KMT2C: variants seen among roughly 807,000 people sequenced by gnomAD.
KMT2C encodes the protein lysine methyltransferase 2C, also known as histone-lysine N-methyltransferase 2C.
In KMT2C, 88 loss-of-function variants were observed where a neutral mutation model predicts 507.9. The ratio of observed to expected loss-of-function variants is 0.17; its 90% CI spans 0.15 to 0.21. The LOEUF (loss-of-function observed/expected upper bound fraction) is 0.21, where lower values mean the gene tolerates loss of function less well. Among genes scored for constraint, KMT2C ranks in the 10% least tolerant of loss-of-function variants. The probability of loss-of-function intolerance (pLI) is 1.00; values close to 1 mark genes in which losing one functional copy is unlikely to be tolerated. For synonymous variants in KMT2C, 2,049 were observed against 2,080.8 expected (o/e 0.98, Z 0.42); for missense variants, 4,954 against 5,957.8 (o/e 0.83, Z 5.55).
chr7:152,257,064 T>C (rs1035865520), intron 9 of KMT2C, among the ~76,000 whole-genome samples: 6 of 152,018 alleles, frequency 3.9e-5, no homozygotes, highest in Admixed American at 3.9e-4. Context: ...AGCTAGGGAG[T>C]GTAAAATCAT....
In KMT2C at chr7:152,235,888, C is replaced by G. The variant is rs1366232611; in HGVS notation, c.2698G>C (p.Gly900Arg). The G allele has an allele frequency of 1.9e-6, 3 of 1,611,820 alleles. No individual in the cohort carries two copies. The East Asian group carries it at 6.7e-5, about 36-fold the overall frequency. Reference sequence around the variant, plus strand: ...CCTCGGCCACCTCGCCCCGACAGTCCTGCACCTCGAGGTCTCCGCTTTCCT... The same window carrying G: ...CCTCGGCCACCTCGCCCCGACAGTCGTGCACCTCGAGGTCTCCGCTTTCCT... ...FPGKRRPRGA[G>R]LSGRGGRGRS... is the part of the protein sequence containing the mutation. The change falls in exon 16 of 59, where the codon GGA becomes CGA. Residue 900 changes from glycine (G) to arginine (R), a missense_variant. Physicochemically the swap from Gly to Arg is moderately radical, Grantham distance 125 (BLOSUM62 -2). Transcript: ENST00000262189.
At chr7:152,421,578 G>A (rs13223888) in intron 1 of KMT2C, among the ~76,000 whole-genome samples, 1 of 152,114 alleles carries the variant, frequency 6.6e-6, no homozygotes, top group Admixed American at 6.6e-5. Flanking sequence ...AGAATGAAAT[G>A]ATCCTTTGCA....
At chr7:152,137,013 C>A in intron 58 of KMT2C, 89 bp from the exon 59 acceptor site, 2 of 963,282 alleles carry the variant, frequency 2.1e-6, no homozygotes, top group Non-Finnish European at 3.3e-6. Context: ...TTAAAACCAG[C>A]AAACGAAACA....
At position 152,176,710 on chromosome 7, in the gene KMT2C, T is replaced by C. The variant is rs768119139; in HGVS notation, c.8743A>G (p.Thr2915Ala). 6.2e-7 allele frequency: 1 copy of C among 1,614,084 alleles called. No individual in the cohort carries two copies. The highest frequency in any genetic ancestry group is 8.5e-7 in the Non-Finnish European group (1 of 1,179,998). The stretch of plus-strand genomic sequence containing the variant: ...GCAAGTAAACTTGAGAGAACTGGAG[T>C]TGATCCAGTTATGCCACAAGAGTTT... ...VINSCGITGS[T>A]PVLSSLLANE... The change falls in exon 38 of 59, where the codon ACT (threonine) becomes GCT (alanine). Residue 2915 changes from threonine (T) to alanine (A), a missense_variant. Around this residue, in one of 29 missense-constraint regions of KMT2C, gnomAD observed 1,689 missense variants for 1,654.3 expected, o/e 1.02. Transcript: ENST00000262189.
At position 152,194,111 on chromosome 7, in the gene KMT2C, C is replaced by T; in HGVS notation, c.4558G>A (p.Val1520Ile). 6.3e-7 allele frequency: 1 copy of T among 1,576,528 alleles called. No homozygotes were observed. The highest frequency in any genetic ancestry group is 8.6e-7 in the Non-Finnish European group (1 of 1,167,430). Residue 1520 changes from valine (V) to isoleucine (I), a missense_variant, in exon 31 of 59, where the codon GTT becomes ATT. By Grantham distance (29) the Val-to-Ile change is conservative. This residue lies in a region of KMT2C where 195 missense variants were observed against 183.7 expected (regional missense o/e 1.06). Transcript: ENST00000262189. ...YKIPELGGKD[V>I]EDLFTAVLSP... ...AGTACAGCTGTAAATAAGTCTTCAA[C>T]ATCTTTTCCGCCAAGCTCTAGGAGA...
chr7:152,344,710 G>A (rs948240795), intron 2 of KMT2C, among the ~76,000 whole-genome samples: 1 of 152,176 alleles, frequency 6.6e-6, no homozygotes, highest in African/African-American at 2.4e-5. Flanking sequence ...AAGGCAGGCT[G>A]GGCATGGTGG....
intron 27 of KMT2C, among the ~76,000 whole-genome samples, chr7:152,197,687 G>A (rs1417251466): frequency 6.6e-6 from 1 of 151,850 alleles, no homozygotes; most frequent in African/African-American, 2.4e-5. Flanking sequence ...TTACAAGTTT[G>A]CCCCTACCTA....
chr7:152,389,721 G>T (rs1384583720), intron 1 of KMT2C, among the ~76,000 whole-genome samples: 1 of 152,156 alleles, frequency 6.6e-6, no homozygotes, highest in Admixed American at 6.5e-5. Flanking sequence ...GATTACAGGT[G>T]TGAGCCACCA....
At chr7:152,347,794 A>C (rs756860957) in intron 2 of KMT2C, among the ~76,000 whole-genome samples, 18 of 152,210 alleles carry the variant, frequency 1.2e-4, no homozygotes, top group African/African-American at 4.3e-4. Context: ...ATTCATGCAT[A>C]CCTTTTTCTT....
At position 152,222,590 on chromosome 7, in the gene KMT2C, T is replaced by C. The variant is rs756581908; in HGVS notation, c.3416A>G (p.Tyr1139Cys). Residue 1139 changes from tyrosine to cysteine, a missense_variant, in exon 21 of 59, where the codon TAT becomes TGT. By Grantham distance (194) the Tyr-to-Cys change is radical. Transcript: ENST00000262189. ...IGFDCSMCRP[Y>C]MPASNVPSSD... ...TCTCTTACCATTAGACGCAGGCATA[T>C]AGGGTCTGCACATGCTACAATCAAA... The C allele has an allele frequency of 1.6e-5, 25 of 1,592,288 alleles. No homozygotes were observed. Among genetic ancestry groups the C allele is most frequent in the Non-Finnish European group, 2.0e-5 (23 of 1,162,116 alleles).
In KMT2C at chr7:152,302,930, C is replaced by T. The variant is rs553377505; in HGVS notation, c.849+7036G>A. Among the ~76,000 whole-genome samples, 10 of 152,212 alleles carry T rather than the reference C, an allele frequency of 6.6e-5. No homozygotes were observed. The South Asian group carries it at 1.5e-3, about 22-fold the overall frequency. Reference sequence around the variant, plus strand: ...AAGTGCTGGGATTACAGGCATGAGACGCCGCGCCTGGCCAAGAAAGGAACT... The same window carrying T: ...AAGTGCTGGGATTACAGGCATGAGATGCCGCGCCTGGCCAAGAAAGGAACT... On this transcript the variant is annotated intron_variant, in intron 6 of 58. Transcript: ENST00000262189.
At position 152,144,743 on chromosome 7, in the gene KMT2C, G is replaced by A. The variant is rs1438113825; in HGVS notation, c.14313C>T (p.Ser4771=). Residue 4771 remains serine, a synonymous_variant, in exon 55 of 59, where the codon TCC becomes TCT. Transcript: ENST00000262189. This position sits in a 1 kb window ranked among gnomAD's most constrained non-coding sequence, Gnocchi z 4.4. ...TCCGAGACCGTGCCAGATACACATT[G>A]GATTTCCATTCAGTTTTCATCTTCC... The part of the protein sequence containing the change: ...QYRKMKTEWK[S]NVYLARSRIQ... The A allele has an allele frequency of 2.5e-6, 4 of 1,613,914 alleles. No homozygotes were observed. The African/African-American group carries it at 5.3e-5, about 22-fold the overall frequency.
chr7:152,419,665 C>G (rs1188425570), intron 1 of KMT2C, among the ~76,000 whole-genome samples: 2 of 152,186 alleles, frequency 1.3e-5, no homozygotes, highest in Admixed American at 6.5e-5. Flanking sequence ...AATTTACTTT[C>G]CCTTCCTCAT....
At chr7:152,319,606 C>T (rs2096753235) in intron 3 of KMT2C, among the ~76,000 whole-genome samples, 1 of 152,048 alleles carries the variant, frequency 6.6e-6, no homozygotes, top group African/African-American at 2.4e-5. Flanking sequence ...CTCTACTCCT[C>T]CACCTCTTGT....
intron 20 of KMT2C, among the ~76,000 whole-genome samples, chr7:152,223,534 C>T (rs1046212115): frequency 6.6e-6 from 1 of 152,036 alleles, no homozygotes; most frequent in African/African-American, 2.4e-5. Context: ...TGGCTCACAC[C>T]TATAATCATA....
At chr7:152,262,050 A>C (rs13228319) in intron 9 of KMT2C, among the ~76,000 whole-genome samples, 6 of 151,866 alleles carry the variant, frequency 4.0e-5, no homozygotes, top group African/African-American at 1.2e-4. Context: ...AAGACCACAA[A>C]AGAACCTGGT....
intron 1 of KMT2C, among the ~76,000 whole-genome samples, chr7:152,389,283 T>G (rs1347886208): frequency 4.1e-5 from 6 of 147,748 alleles, no homozygotes; most frequent in Non-Finnish European, 7.4e-5. Context: ...GAGAATCACT[T>G]GAACCTGGGA....
At chr7:152,271,238 A>C (rs1241938378) in intron 7 of KMT2C, among the ~76,000 whole-genome samples, 3 of 152,222 alleles carry the variant, frequency 2.0e-5, no homozygotes, top group Non-Finnish European at 4.4e-5. Context: ...ATAGGAAAAA[A>C]TATTTATAAA....
At chr7:152,307,235 A>T (rs1433385886) in intron 6 of KMT2C, among the ~76,000 whole-genome samples, 3 of 129,636 alleles carry the variant, frequency 2.3e-5, no homozygotes, top group African/African-American at 7.5e-5. Context: ...GGAAGGAAGG[A>T]AGGAAGGAAG....
Sources: gnomAD v4.1 joint callset for allele counts (sites outside exome capture counted in the v4.1 genomes callset) on GRCh38, gnomAD v4.1.1 for gene constraint, gnomAD v4.1.1 regional missense constraint, Gnocchi (gnomAD v3.1) non-coding constraint, MANE v1.5 for transcripts, NCBI Gene and HGNC (gene_info 2026-07-23, HGNC 2026-07-21) for gene names.